Variants in CSMD1 observed in about 807,000 individuals in gnomAD.
CSMD1 encodes CUB and Sushi multiple domains 1, also known as CUB and sushi domain-containing protein 1.
Under a neutral mutation model 417.5 loss-of-function variants are expected in CSMD1, and 213 were observed. That is an observed-to-expected ratio of 0.51 (90% CI 0.46 to 0.57). The LOEUF is 0.57. Among genes scored for constraint, CSMD1 ranks in the 20% least tolerant of loss-of-function variants. The pLI is 0.00. For synonymous variants in CSMD1, 2,862 were observed against 1,736.8 expected, an observed-to-expected ratio of 1.65 and a Z score of -16.11; for missense variants, 6,923 against 4,529.7, an observed-to-expected ratio of 1.53 and a Z score of -15.17.
intron 2 of CSMD1, among the ~76,000 whole-genome samples, chr8:4,496,266 C>T (rs1281367492): frequency 2.0e-5 from 3 of 152,132 alleles, no homozygotes; most frequent in Non-Finnish European, 4.4e-5. Context: ...CCACAGCAGT[C>T]CGTGGCTGGG....
At position 3,775,760 on chromosome 8, in the gene CSMD1, C is replaced by G. The variant is rs536047378; in HGVS notation, c.819-21718G>C. Among the ~76,000 whole-genome samples, 4 of 152,292 alleles carry G rather than the reference C, an allele frequency of 2.6e-5. No homozygotes were observed. The South Asian group carries it at 6.2e-4, about 24-fold the overall frequency. On this transcript the variant is annotated intron_variant, in intron 5 of 69. Transcript: ENST00000635120. ...TATGAACTATAAACTTGTTTTACTG[C>G]CTTAATCTACAAAAGGTCCACGAAG...
At chr8:4,615,658 A>T (rs560499257) in intron 2 of CSMD1, among the ~76,000 whole-genome samples, 1 of 152,144 alleles carries the variant, frequency 6.6e-6, no homozygotes, top group African/African-American at 2.4e-5. Context: ...TTGTGAGTGT[A>T]AGGTGTTATT....
At chr8:3,789,274 A>C (rs1799601675) in intron 5 of CSMD1, among the ~76,000 whole-genome samples, 1 of 151,918 alleles carries the variant, frequency 6.6e-6, no homozygotes, top group Non-Finnish European at 1.5e-5. Flanking sequence ...AGCCTCCTGA[A>C]CTGTTGTTTT....
intron 3 of CSMD1, among the ~76,000 whole-genome samples, chr8:4,164,453 TG>T (rs945279941): frequency 6.6e-6 from 1 of 152,154 alleles, no homozygotes; most frequent in Non-Finnish European, 1.5e-5. Context: ...CAGCCTGGCA[TG>T]CTTCCCAGAA....
intron 62 of CSMD1, among the ~76,000 whole-genome samples, chr8:2,959,378 C>T (rs1210929912): frequency 6.6e-6 from 1 of 152,178 alleles, no homozygotes; most frequent in Admixed American, 6.5e-5. Flanking sequence ...GGATTACAGG[C>T]GTGAGCTGCT....
chr8:4,245,923 A>G (rs574494034), intron 3 of CSMD1, among the ~76,000 whole-genome samples: 2 of 152,276 alleles, frequency 1.3e-5, no homozygotes, highest in South Asian at 2.1e-4. Flanking sequence ...CGTTTTCTCA[A>G]CTCATTAAAA....
rs184878565 is a variant in CSMD1 at position 4,612,350 on chromosome 8, T to C, written c.302+24992A>G. On this transcript the variant is annotated intron_variant, in intron 2 of 69. Coordinates refer to ENST00000635120, the MANE Select transcript of CSMD1 (RefSeq NM_033225.6). ...CTTTACTTAGGAGCACTTTCAGAATTGAAAAAAAACAAGAGGAATGGTTTT... is the reference window on the plus strand; with the variant it reads ...CTTTACTTAGGAGCACTTTCAGAATCGAAAAAAAACAAGAGGAATGGTTTT... Among the ~76,000 whole-genome samples, 1,397 of 144,282 alleles carry C rather than the reference T, an allele frequency of 9.7e-3. 6 individuals are homozygous for C. The highest frequency in any genetic ancestry group is 0.015 in the Admixed American group (230 of 14,888). 94.7% of individuals were successfully genotyped at this position (144,282 alleles called of 152,430 possible). A position where few individuals can be genotyped will look rare whatever the true frequency, so the allele number is the denominator to read the frequency against.
intron 42 of CSMD1, among the ~76,000 whole-genome samples, chr8:3,115,329 G>A (rs1816800186): frequency 6.6e-6 from 1 of 151,454 alleles, no homozygotes; most frequent in African/African-American, 2.4e-5. Flanking sequence ...AGCCTCCCAG[G>A]TAGCTGGGAT....
At chr8:4,031,573 A>G (rs890808444) in intron 4 of CSMD1, among the ~76,000 whole-genome samples, 1 of 152,168 alleles carries the variant, frequency 6.6e-6, no homozygotes, top group Non-Finnish European at 1.5e-5. Flanking sequence ...GTGAGGACAG[A>G]GCTAAATCAT....
chr8:4,140,883 C>T (rs1028338196), intron 3 of CSMD1, among the ~76,000 whole-genome samples: 1 of 151,016 alleles, frequency 6.6e-6, no homozygotes, highest in South Asian at 2.1e-4. Context: ...GATTGCTGAT[C>T]GCCAATGCAC....
chr8:4,039,369 C>G (rs1339764107), intron 3 of CSMD1, among the ~76,000 whole-genome samples: 2 of 152,328 alleles, frequency 1.3e-5, no homozygotes, highest in Non-Finnish European at 1.5e-5. Context: ...ACCCCACTCT[C>G]TCTCCTGGCT....
chr8:3,534,066 T>G (rs1455726490), intron 10 of CSMD1, among the ~76,000 whole-genome samples: 1 of 152,186 alleles, frequency 6.6e-6, no homozygotes, highest in Non-Finnish European at 1.5e-5. Flanking sequence ...TAGTTTTGAC[T>G]TCCTTTGAAA....
chr8:4,064,052 T>G (rs937686787), intron 3 of CSMD1, among the ~76,000 whole-genome samples: 8 of 152,174 alleles, frequency 5.3e-5, no homozygotes, highest in African/African-American at 1.9e-4. Context: ...GAGTGAGGGC[T>G]CCTGAGAAGT....
At chr8:3,910,827 G>C (rs1399553120) in intron 5 of CSMD1, among the ~76,000 whole-genome samples, 1 of 152,142 alleles carries the variant, frequency 6.6e-6, no homozygotes, top group East Asian at 1.9e-4. Context: ...CATGCTACAG[G>C]CCAAATCTCT....
intron 1 of CSMD1, among the ~76,000 whole-genome samples, chr8:4,897,493 C>T (rs1471682796): frequency 1.3e-5 from 2 of 151,874 alleles, no homozygotes; most frequent in Non-Finnish European, 2.9e-5. Flanking sequence ...TGCTGTAGAC[C>T]CTGGCTATAA....
Position 3,600,449 on chromosome 8 carries a change from A to C in CSMD1, c.1098-14189T>G, listed in dbSNP as rs1052899423. 5.9e-5 allele frequency among the ~76,000 whole-genome samples: 9 copies of C among 152,350 alleles called. No individual in the cohort carries two copies. The East Asian group carries it at 1.7e-3, about 29-fold the overall frequency. On this transcript the variant is annotated intron_variant, in intron 8 of 69. Transcript: ENST00000635120. ...GGTCTCTAAACCAGCAGTTCTCAGC[A>C]AGGGTCAAGTGTATCAGAATCATTC...
chr8:3,846,921 C>G (rs575045709), intron 5 of CSMD1, among the ~76,000 whole-genome samples: 6 of 152,172 alleles, frequency 3.9e-5, no homozygotes, highest in Non-Finnish European at 5.9e-5. Context: ...GTGATCCACC[C>G]GCCCTGGCCT....
intron 54 of CSMD1, among the ~76,000 whole-genome samples, chr8:2,992,281 T>C (rs567165252): frequency 2.0e-5 from 3 of 152,266 alleles, no homozygotes; most frequent in African/African-American, 4.8e-5. Context: ...GGACTGCTTA[T>C]GGGCTTAGCG....
intron 5 of CSMD1, among the ~76,000 whole-genome samples, chr8:3,993,317 T>C (rs1028313506): frequency 7.9e-5 from 12 of 152,180 alleles, no homozygotes; most frequent in Non-Finnish European, 1.2e-4. Context: ...GAAGGATTGA[T>C]TTCAGGGAGT....
Sources: gnomAD v4.1 joint callset for allele counts (sites outside exome capture counted in the v4.1 genomes callset) on GRCh38, gnomAD v4.1.1 for gene constraint, MANE v1.5 for transcripts, NCBI Gene and HGNC (gene_info 2026-07-23, HGNC 2026-07-21) for gene names.